The following CTNNA2 variants were observed in gnomAD, a reference collection of about 807,000 sequenced individuals.
CTNNA2 encodes catenin alpha-2.
A neutral mutation model predicts 101.0 loss-of-function variants in CTNNA2; 42 were observed. The observed-to-expected ratio is 0.42, with a 90% CI of 0.32 to 0.54. The LOEUF is 0.54. Among genes scored for constraint, CTNNA2 ranks in the 20% least tolerant of loss-of-function variants. The pLI is 0.14. For synonymous variants in CTNNA2, 450 were observed against 456.4 expected (o/e 0.99, Z 0.18); for missense variants, 871 against 1,223.1 (o/e 0.71, Z 4.29).
intron 7 of CTNNA2, among the ~76,000 whole-genome samples, chr2:80,186,723 T>C (rs539071162): frequency 6.6e-6 from 1 of 152,350 alleles, no homozygotes; most frequent in Admixed American, 6.5e-5. Context: ...TCTTTATAGT[T>C]CTTATGAGTT....
intron 9 of CTNNA2, among the ~76,000 whole-genome samples, chr2:80,471,810 T>C (rs1685326705): frequency 1.6e-5 from 2 of 125,896 alleles, no homozygotes; most frequent in African/African-American, 7.3e-5. Context: ...TCCTTTGTCC[T>C]CAAGTTTGTT....
At chr2:79,921,630 C>T (rs1396214568) in intron 7 of CTNNA2, among the ~76,000 whole-genome samples, 2 of 152,182 alleles carry the variant, frequency 1.3e-5, no homozygotes. Flanking sequence ...AAGGACTGTA[C>T]TCTCAAATGC....
chr2:79,921,518 A>T (rs541320130), intron 7 of CTNNA2, among the ~76,000 whole-genome samples: 2 of 152,290 alleles, frequency 1.3e-5, no homozygotes, highest in South Asian at 2.1e-4. Flanking sequence ...ATTGAAGGGT[A>T]GTTGTTTTTC....
At chr2:79,813,084 A>G (rs1049070087) in intron 3 of CTNNA2, among the ~76,000 whole-genome samples, 20 of 152,188 alleles carry the variant, frequency 1.3e-4, no homozygotes, top group Admixed American at 1.2e-3. Flanking sequence ...GGGGTTTCCC[A>G]GGACATGAGA....
intron 3 of CTNNA2, among the ~76,000 whole-genome samples, chr2:79,751,174 A>G (rs1672010237): frequency 6.6e-6 from 1 of 152,158 alleles, no homozygotes; most frequent in African/African-American, 2.4e-5. Flanking sequence ...CAGGTTTAAG[A>G]TTGGTGGGAT....
intron 7 of CTNNA2, among the ~76,000 whole-genome samples, chr2:80,315,191 C>G (rs1677989561): frequency 6.6e-6 from 1 of 152,208 alleles, no homozygotes; most frequent in Admixed American, 6.5e-5. Flanking sequence ...CCCAGTATCT[C>G]AGACTTTTGA....
At chr2:80,402,181 A>G (rs140603573) in intron 8 of CTNNA2, among the ~76,000 whole-genome samples, 1 of 152,296 alleles carries the variant, frequency 6.6e-6, no homozygotes, top group East Asian at 1.9e-4. Context: ...TGAGCAGTCA[A>G]ATGGAAGAGA....
rs151246467 is a variant in CTNNA2 at position 80,445,627 on chromosome 2, G to A, written c.1290+26026G>A. Among the ~76,000 whole-genome samples the A allele has an allele frequency of 1.1e-4, 16 of 152,228 alleles. No homozygotes were observed. In the East Asian group the frequency reaches 3.1e-3, roughly 29 times the overall value. On this transcript the variant is annotated intron_variant, in intron 9 of 18. Coordinates refer to ENST00000402739, the MANE Select transcript of CTNNA2 (RefSeq NM_001282597.3). The stretch of plus-strand genomic sequence containing the variant: ...TGTCCACCAAAAACTTGGTGTAGTG[G>A]TCTGCATTAGAACCAACAAATTTGA...
chr2:79,694,519 TA>T (rs1372109616), intron 2 of CTNNA2, among the ~76,000 whole-genome samples: 1 of 151,980 alleles, frequency 6.6e-6, no homozygotes, highest in Non-Finnish European at 1.5e-5. Context: ...TTATAAAACT[TA>T]GTATTTAAGT....
intron 7 of CTNNA2, among the ~76,000 whole-genome samples, chr2:80,189,119 A>AT (rs1228143735): frequency 6.6e-6 from 1 of 151,394 alleles, no homozygotes; most frequent in Non-Finnish European, 1.5e-5. Context: ...CACCTGGCTA[A>AT]TTTTTTGTAT....
At chr2:80,619,708 C>G (rs1670913048) in intron 18 of CTNNA2, among the ~76,000 whole-genome samples, 1 of 151,878 alleles carries the variant, frequency 6.6e-6, no homozygotes, top group Admixed American at 6.6e-5. Flanking sequence ...TCAACAAATA[C>G]TTTGGGTGTT....
chr2:79,797,199 A>G (rs980797613), intron 3 of CTNNA2, among the ~76,000 whole-genome samples: 1 of 152,194 alleles, frequency 6.6e-6, no homozygotes, highest in African/African-American at 2.4e-5. Flanking sequence ...ATGAGAAAGT[A>G]CCTATGTAGA....
chr2:80,608,194 C>T lies in CTNNA2; in HGVS notation c.2306C>T (p.Ser769Leu). The change falls in exon 17 of 19, where the codon TCA (serine) becomes TTA (leucine). Residue 769 changes from serine to leucine, a missense_variant. Transcript: ENST00000402739. Reference sequence around the variant, plus strand: ...TTTAATGTTTTATAGTGTCCTGATTCAGCATGTAAGCAGGATTTATTAGCC... The same window carrying T: ...TTTAATGTTTTATAGTGTCCTGATTTAGCATGTAAGCAGGATTTATTAGCC... ...ARAVADQCPD[S>L]ACKQDLLAYL... 6.2e-7 allele frequency: 1 copy of T among 1,609,368 alleles called. No individual in the cohort carries two copies. The highest frequency in any genetic ancestry group is 8.5e-7 in the Non-Finnish European group (1 of 1,176,716).
intron 7 of CTNNA2, among the ~76,000 whole-genome samples, chr2:80,384,502 G>C (rs1676815297): frequency 6.6e-6 from 1 of 151,774 alleles, no homozygotes. Flanking sequence ...GGAATACTGA[G>C]CTGAGGAAAT....
chr2:80,406,454 C>A (rs1559082961), intron 8 of CTNNA2, among the ~76,000 whole-genome samples: 1 of 152,068 alleles, frequency 6.6e-6, no homozygotes, highest in Non-Finnish European at 1.5e-5. Flanking sequence ...GAGCAGACTT[C>A]TTCAGCCCCT....
chr2:80,625,230 T>C (rs1261470799), intron 18 of CTNNA2, among the ~76,000 whole-genome samples: 1 of 152,008 alleles, frequency 6.6e-6, no homozygotes, highest in Non-Finnish European at 1.5e-5. Flanking sequence ...TTTATTAGAA[T>C]AGCAATAGCT....
At chr2:79,776,867 C>T (rs1674003610) in intron 3 of CTNNA2, 2 of 152,156 alleles carry the variant, frequency 1.3e-5, no homozygotes, top group Admixed American at 1.3e-4. Context: ...CACATTGGTA[C>T]AATTTCTATA....
At chr2:79,874,532 G>A (rs1285003815) in intron 6 of CTNNA2, among the ~76,000 whole-genome samples, 190 bp downstream of exon 6, 1 of 152,164 alleles carries the variant, frequency 6.6e-6, no homozygotes, top group Non-Finnish European at 1.5e-5. Flanking sequence ...TGTCTTTAAA[G>A]AAACAACTGT....
At chr2:79,316,667 T>C (rs1573070109) in intron 3 of CTNNA2, among the ~76,000 whole-genome samples, 1 of 151,942 alleles carries the variant, frequency 6.6e-6, no homozygotes, top group East Asian at 1.9e-4. Flanking sequence ...ATTTTACTAT[T>C]TTTAATATAA....
Sources: gnomAD v4.1 joint callset for allele counts (sites outside exome capture counted in the v4.1 genomes callset) on GRCh38, gnomAD v4.1.1 for gene constraint, MANE v1.5 for transcripts, NCBI Gene and HGNC (gene_info 2026-07-23, HGNC 2026-07-21) for gene names.